NELL1: variants seen among roughly 807,000 people sequenced by gnomAD.
The protein encoded by NELL1 is neural EGFL like 1, also known as protein kinase C-binding protein NELL1.
In NELL1, 76 loss-of-function variants were observed where a neutral mutation model predicts 107.4. The ratio of observed to expected loss-of-function variants is 0.71; its 90% CI spans 0.59 to 0.86. NELL1 has a LOEUF of 0.86. Among genes scored for constraint, NELL1 ranks in the 40% least tolerant of loss-of-function variants. The pLI is 0.00. For synonymous variants in NELL1, 353 were observed against 341.2 expected, an observed-to-expected ratio of 1.03 and a Z score of -0.38; for missense variants, 1,024 against 1,005.5, an observed-to-expected ratio of 1.02 and a Z score of -0.25.
intron 2 of NELL1, among the ~76,000 whole-genome samples, chr11:20,700,124 G>GA (rs146983094): frequency 1.4e-5 from 2 of 146,804 alleles, no homozygotes; most frequent in African/African-American, 4.9e-5. Context: ...ACTGTTTTTA[G>GA]AAAAAACAAA....
intron 2 of NELL1, among the ~76,000 whole-genome samples, chr11:20,770,199 G>T (rs1856612926): frequency 6.6e-6 from 1 of 152,288 alleles, no homozygotes; most frequent in East Asian, 1.9e-4. Flanking sequence ...GTTTGAGGTG[G>T]GAAATTGGTT....
intron 13 of NELL1, among the ~76,000 whole-genome samples, chr11:21,221,527 G>C (rs1306607450): frequency 6.6e-6 from 1 of 152,046 alleles, no homozygotes; most frequent in Admixed American, 6.6e-5. Flanking sequence ...TTCTTTGCTG[G>C]GAGATTTTTT....
chr11:21,082,350 G>A (rs973976744), intron 12 of NELL1, among the ~76,000 whole-genome samples: 1 of 152,096 alleles, frequency 6.6e-6, no homozygotes, highest in African/African-American at 2.4e-5. Flanking sequence ...GTGATTCTAT[G>A]GAAATAGCAT....
At chr11:20,940,156 G>GCT (rs911670283) in intron 10 of NELL1, among the ~76,000 whole-genome samples, 3 of 151,694 alleles carry the variant, frequency 2.0e-5, no homozygotes, top group East Asian at 1.9e-4. Context: ...TGGTGTGCTC[G>GCT]CTCTCTCTCT....
chr11:20,759,250 A>G (rs1048900612), intron 2 of NELL1, among the ~76,000 whole-genome samples: 1 of 152,126 alleles, frequency 6.6e-6, no homozygotes, highest in South Asian at 2.1e-4. Flanking sequence ...GTATTTTGGT[A>G]TTTGCTTCTT....
In NELL1 at chr11:21,058,010, A is replaced by T. The variant is rs868813763; in HGVS notation, c.1301-55579A>T. 2.6e-5 allele frequency among the ~76,000 whole-genome samples: 4 copies of T among 152,076 alleles called. No individual in the cohort carries two copies. The South Asian group carries it at 6.2e-4, about 24-fold the overall frequency. ...CTTTCAGAAGAGGAGGTTGAGTTTC[A>T]GCTTGAAATCTAGGCCATAGAAAGT... On this transcript the variant is annotated intron_variant, in intron 12 of 19. Transcript: ENST00000357134.
chr11:20,882,792 C>T (rs1020191717), intron 4 of NELL1, among the ~76,000 whole-genome samples: 7 of 152,152 alleles, frequency 4.6e-5, no homozygotes, highest in Non-Finnish European at 7.3e-5. Context: ...TTCCCCCTGC[C>T]CTAGCATCTA....
intron 12 of NELL1, among the ~76,000 whole-genome samples, chr11:21,095,288 C>CTTTT (rs1394319744): frequency 6.6e-6 from 1 of 152,190 alleles, no homozygotes; most frequent in African/African-American, 2.4e-5. Flanking sequence ...CGCTATCAGG[C>CTTTT]TTTTCATCAA....
intron 12 of NELL1, among the ~76,000 whole-genome samples, chr11:21,073,291 G>GA (rs1231700895): frequency 6.6e-6 from 1 of 152,026 alleles, no homozygotes; most frequent in African/African-American, 2.4e-5. Flanking sequence ...AGATTTTAAA[G>GA]AAAAAATCAG....
At chr11:21,133,693 G>C (rs962992614) in intron 13 of NELL1, among the ~76,000 whole-genome samples, 2 of 152,082 alleles carry the variant, frequency 1.3e-5, no homozygotes, top group East Asian at 3.9e-4. Context: ...AGCAGGACTC[G>C]GGAGCAGGGG....
At chr11:20,694,912 T>C (rs1854574657) in intron 2 of NELL1, among the ~76,000 whole-genome samples, 1 of 152,118 alleles carries the variant, frequency 6.6e-6, no homozygotes. Flanking sequence ...TAGTGATTCT[T>C]CTAATCCATG....
At chr11:21,471,594 A>G (rs1476155598) in intron 15 of NELL1, among the ~76,000 whole-genome samples, 1 of 151,224 alleles carries the variant, frequency 6.6e-6, no homozygotes, top group African/African-American at 2.4e-5. Context: ...TGTGATAAGC[A>G]CTTTAAATTT....
intron 4 of NELL1, among the ~76,000 whole-genome samples, chr11:20,863,541 C>G (rs1849031026): frequency 6.6e-6 from 1 of 150,652 alleles, no homozygotes; most frequent in African/African-American, 2.4e-5. Flanking sequence ...CCTCACATCC[C>G]AGACGATGGG....
At chr11:21,366,262 G>A (rs1297721020) in intron 14 of NELL1, among the ~76,000 whole-genome samples, 1 of 152,144 alleles carries the variant, frequency 6.6e-6, no homozygotes, top group African/African-American at 2.4e-5. Context: ...AGAGAGGAAA[G>A]TGTCATTAAA....
At chr11:20,810,054 T>C (rs11601571) in intron 3 of NELL1, among the ~76,000 whole-genome samples, 34,755 of 151,942 alleles carry the variant, frequency 0.23, 4,402 homozygotes, top group African/African-American at 0.32. Flanking sequence ...AGAGTATCCA[T>C]TGTATCTCAT....
intron 13 of NELL1, among the ~76,000 whole-genome samples, chr11:21,129,748 G>A (rs973684694): frequency 2.6e-5 from 4 of 152,144 alleles, no homozygotes; most frequent in African/African-American, 9.7e-5. Context: ...GTTGCCACAG[G>A]CTGGAGCAAT....
intron 13 of NELL1, among the ~76,000 whole-genome samples, chr11:21,118,220 C>G (rs1198743567): frequency 6.6e-6 from 1 of 151,716 alleles, no homozygotes; most frequent in South Asian, 2.1e-4. Context: ...TTTCTGAAAG[C>G]AATGGGGGGC....
intron 2 of NELL1, among the ~76,000 whole-genome samples, chr11:20,720,990 A>G (rs1224467679): frequency 6.6e-6 from 1 of 151,946 alleles, no homozygotes; most frequent in Admixed American, 6.6e-5. Flanking sequence ...AGTAACCAAG[A>G]CACACTACTT....
chr11:21,316,031 G>T (rs1316034811), intron 14 of NELL1, among the ~76,000 whole-genome samples: 1 of 151,868 alleles, frequency 6.6e-6, no homozygotes, highest in Non-Finnish European at 1.5e-5. Context: ...CTTCTATAAG[G>T]TCTAGTGTTT....
Sources: gnomAD v4.1 joint callset for allele counts (sites outside exome capture counted in the v4.1 genomes callset) on GRCh38, gnomAD v4.1.1 for gene constraint, MANE v1.5 for transcripts, NCBI Gene and HGNC (gene_info 2026-07-23, HGNC 2026-07-21) for gene names.